Variants in PPFIA3 observed in about 807,000 individuals in gnomAD.
PPFIA3 encodes the protein liprin-alpha-3.
In PPFIA3, 26 loss-of-function variants were observed where a neutral mutation model predicts 145.8. The observed-to-expected ratio is 0.18, with a 90% CI of 0.13 to 0.25. The LOEUF (loss-of-function observed/expected upper bound fraction) is 0.25, where lower values mean the gene tolerates loss of function less well. Ranked by LOEUF, PPFIA3 falls within the 10% of genes least tolerant of loss-of-function variation. The pLI is 1.00. For missense variants in PPFIA3, 1,008 were observed against 1,587.8 expected, an observed-to-expected ratio of 0.63 and a Z score of 6.21; for synonymous variants, 645 against 661.4, an observed-to-expected ratio of 0.98 and a Z score of 0.38.
At chr19:49,135,231 G>A (rs1348289677) in intron 13 of PPFIA3, among the ~76,000 whole-genome samples, 3 of 151,958 alleles carry the variant, frequency 2.0e-5, no homozygotes, top group Non-Finnish European at 2.9e-5. Flanking sequence ...TAGTAGACAC[G>A]GGGTTTTGCC....
In PPFIA3 at chr19:49,132,998, C is replaced by T; in HGVS notation, c.880-3C>T. On this transcript the variant is annotated splice_region_variant and splice_polypyrimidine_tract_variant and intron_variant, in intron 7 of 29. Transcript: ENST00000334186. ...TCCACGGGGCCCTTTGCTACCTCCGCAGGCGCTGGCGCAGCGGGAAGATAT... is the reference window on the plus strand; with the variant it reads ...TCCACGGGGCCCTTTGCTACCTCCGTAGGCGCTGGCGCAGCGGGAAGATAT... 6.2e-7 allele frequency: 1 copy of T among 1,610,646 alleles called. No homozygotes were observed. The highest frequency in any genetic ancestry group is 8.5e-7 in the Non-Finnish European group (1 of 1,179,240).
chr19:49,144,913 TTTTTC>T (rs1028341721), intron 21 of PPFIA3, among the ~76,000 whole-genome samples: 2 of 151,644 alleles, frequency 1.3e-5, no homozygotes, highest in African/African-American at 4.8e-5. Context: ...TGTTAATTTC[TTTTTC>T]TTTTCTTTTC....
chr19:49,129,491 G>C (rs752165396), intron 5 of PPFIA3, 37 bp downstream of exon 5: 2 of 1,548,972 alleles, frequency 1.3e-6, no homozygotes, highest in Non-Finnish European at 8.7e-7. Flanking sequence ...TTGAATCCAA[G>C]GGGAGGGGCT....
At chr19:49,145,435 C>T (rs1026189570) in intron 21 of PPFIA3, among the ~76,000 whole-genome samples, 1 of 152,172 alleles carries the variant, frequency 6.6e-6, no homozygotes, top group Non-Finnish European at 1.5e-5. Context: ...CCCACTAGGA[C>T]GAAAAGTGTC....
intron 18 of PPFIA3, 33 bp downstream of exon 18, chr19:49,140,121 G>T (rs770007785): frequency 9.3e-6 from 15 of 1,607,340 alleles, no homozygotes; most frequent in Non-Finnish European, 1.2e-5. Context: ...TCCCTCCTTT[G>T]TTCCTTCCTC....
In PPFIA3 at chr19:49,149,840, G is replaced by A; in HGVS notation, c.3526+122G>A. On this transcript the variant is annotated intron_variant, in intron 28 of 29. Transcript: ENST00000334186. The surrounding 1 kb of genome is among the most constrained non-coding windows in gnomAD (Gnocchi z 5.7). ...CTCGCCCACCCCTGAGGAATGGACT[G>A]CTCCAACGTTCCGGACTCCCCCGTC... 4 of 1,287,124 alleles carry A rather than the reference G, an allele frequency of 3.1e-6. No individual in the cohort carries two copies. The highest frequency in any genetic ancestry group is 2.1e-6 in the Non-Finnish European group (2 of 951,636). 79.7% of individuals were successfully genotyped at this position (1,287,124 alleles called of 1,614,324 possible).
intron 14 of PPFIA3, 30 bp downstream of exon 14, chr19:49,135,953 A>ACC (rs769601140): frequency 1.3e-6 from 2 of 1,566,558 alleles, no homozygotes; most frequent in South Asian, 2.3e-5. Flanking sequence ...TCCTGGACTG[A>ACC]GCAGGGCTTG....
intron 21 of PPFIA3, 81 bp from the exon 22 acceptor site, chr19:49,145,862 G>C (rs1163669766): frequency 4.9e-5 from 62 of 1,265,012 alleles, no homozygotes; most frequent in Non-Finnish European, 6.3e-5. Context: ...GTGTGGCCCA[G>C]GGCCTTCAGG....
At position 49,130,258 on chromosome 19, in the gene PPFIA3, C is replaced by T. The variant is rs75431720; in HGVS notation, c.658-120C>T. 30,590 of 1,211,572 alleles carry T rather than the reference C, an allele frequency of 0.025. 730 individuals carry two copies. Among genetic ancestry groups the T allele is most frequent in the Admixed American group, 0.11 (4,153 of 39,116 alleles). 75.1% of individuals were successfully genotyped at this position (1,211,572 alleles called of 1,614,324 possible). ...CCTCCTTCACTGACCCCCGTGGACT[C>T]TGACCAGCATGATCCTTATTGATCT... On this transcript the variant is annotated intron_variant, in intron 6 of 29. Transcript: ENST00000334186. This position sits in a 1 kb window ranked among gnomAD's most constrained non-coding sequence, Gnocchi z 4.5.
At chr19:49,126,439 A>T (rs2041000223) in intron 1 of PPFIA3, among the ~76,000 whole-genome samples, 1 of 150,546 alleles carries the variant, frequency 6.6e-6, no homozygotes, top group African/African-American at 2.5e-5. Context: ...TTTAGTAGAG[A>T]CGGGGGTCAC....
At chr19:49,132,706 T>A (rs1233155364) in intron 7 of PPFIA3, among the ~76,000 whole-genome samples, 1 of 151,990 alleles carries the variant, frequency 6.6e-6, no homozygotes, top group East Asian at 1.9e-4. Flanking sequence ...AAGGCCTGGG[T>A]TTTGAGGAGA....
intron 1 of PPFIA3, among the ~76,000 whole-genome samples, chr19:49,121,112 CTT>C (rs1274191525): frequency 1.3e-5 from 2 of 152,318 alleles, no homozygotes; most frequent in East Asian, 3.9e-4. Flanking sequence ...ACTCTCTACT[CTT>C]TCCCCTAAGA....
intron 19 of PPFIA3, among the ~76,000 whole-genome samples, 166 bp downstream of exon 19, chr19:49,141,679 C>T (rs2041225854): frequency 6.6e-6 from 1 of 151,642 alleles, no homozygotes; most frequent in African/African-American, 2.4e-5. Flanking sequence ...GAATTCAATG[C>T]TGGGAGGAGG....
Position 49,130,485 on chromosome 19 carries a change from C to T in PPFIA3, c.765C>T (p.Arg255=), listed in dbSNP as rs1192136954. The T allele has an allele frequency of 2.5e-6, 4 of 1,603,366 alleles. No homozygotes were observed. The East Asian group carries it at 9.0e-5, about 36-fold the overall frequency. The stretch of plus-strand genomic sequence containing the variant: ...CCGAGGTGTGCCAGCTGCGGGAGCG[C>T]CTGGCGGTGCTGTGCCGTCAGATGA... ...QRAEVCQLRE[R]LAVLCRQMSQ... is the part of the protein sequence containing the mutation. Residue 255 remains arginine, a synonymous_variant, in exon 7 of 30, where the codon CGC becomes CGT. Transcript: ENST00000334186. This position sits in a 1 kb window ranked among gnomAD's most constrained non-coding sequence, Gnocchi z 4.5.
At position 49,133,413 on chromosome 19, in the gene PPFIA3, G is replaced by A. The variant is rs774608786; in HGVS notation, c.1161+42G>A. On this transcript the variant is annotated intron_variant, in intron 9 of 29. Coordinates refer to ENST00000334186, the MANE Select transcript of PPFIA3 (RefSeq NM_003660.4). The surrounding 1 kb of genome is among the most constrained non-coding windows in gnomAD (Gnocchi z 7.2). Reference sequence around the variant, plus strand: ...GGTCGGGGCCTTGCGTGGGGAAGGGGTGGGGCCTAGAGGAGGCGGGGCCGT... The same window carrying A: ...GGTCGGGGCCTTGCGTGGGGAAGGGATGGGGCCTAGAGGAGGCGGGGCCGT... 1 of 1,550,250 alleles carries A rather than the reference G, an allele frequency of 6.5e-7. No individual in the cohort carries two copies. The highest frequency in any genetic ancestry group is 2.3e-5 in the East Asian group (1 of 43,738).
At chr19:49,147,328 G>A (rs1468544798) in intron 23 of PPFIA3, among the ~76,000 whole-genome samples, 1 of 152,100 alleles carries the variant, frequency 6.6e-6, no homozygotes, top group African/African-American at 2.4e-5. Context: ...GAGGCAGGAG[G>A]ACCGCTTGAG....
intron 21 of PPFIA3, among the ~76,000 whole-genome samples, chr19:49,143,772 G>C (rs955079543): frequency 2.6e-5 from 4 of 152,210 alleles, no homozygotes; most frequent in Non-Finnish European, 5.9e-5. Context: ...GCTCTGTTGT[G>C]TGTGTGGGGT....
In PPFIA3 at chr19:49,137,129, A is replaced by G. The variant is rs2041148481; in HGVS notation, c.1853+218A>G. The G allele has an allele frequency of 1.7e-5, 7 of 419,964 alleles. No individual in the cohort carries two copies. The Admixed American group carries it at 2.9e-4, about 17-fold the overall frequency. The allele number at this position is 419,964 out of a possible 1,614,324, so 26.0% of individuals were successfully genotyped here. On this transcript the variant is annotated intron_variant, in intron 15 of 29. Coordinates refer to ENST00000334186, the MANE Select transcript of PPFIA3 (RefSeq NM_003660.4). ...CACATATACCCCCCAGCCAGTACTC[A>G]CCATTCCCCAACACACCAAAGCCTG...
rs978074397 is a variant in PPFIA3, at chr19:49,139,732, C to T, written c.2141C>T (p.Thr714Ile). 2 of 1,613,822 alleles carry T rather than the reference C, an allele frequency of 1.2e-6. No homozygotes were observed. The highest frequency in any genetic ancestry group is 1.7e-5 in the Admixed American group (1 of 59,994). ...RGEGPAIPGD[T>I]PPPTPRSARL... ...GAGGGGCCGGCCATCCCAGGAGACACCCCACCACCCACTCCCCGCTCTGCC... is the reference window on the plus strand; with the variant it reads ...GAGGGGCCGGCCATCCCAGGAGACATCCCACCACCCACTCCCCGCTCTGCC... The change falls in exon 17 of 30, where the codon ACC becomes ATC. Residue 714 changes from threonine (T) to isoleucine (I), a missense_variant. By Grantham distance (89) the Thr-to-Ile change is moderately conservative (BLOSUM62 -1). This residue lies in a region of PPFIA3 where 202 missense variants were observed against 241.8 expected (regional missense o/e 0.84). Transcript: ENST00000334186.
Sources: allele counts gnomAD v4.1 joint callset (sites outside exome capture counted in the v4.1 genomes callset), GRCh38; gene constraint gnomAD v4.1.1; regional missense constraint gnomAD v4.1.1; non-coding constraint Gnocchi (gnomAD v3.1); transcripts MANE v1.5; gene names NCBI Gene and HGNC (gene_info 2026-07-23, HGNC 2026-07-21).